Variants in PTPRO observed in about 807,000 individuals in gnomAD.
The protein encoded by PTPRO is receptor-type tyrosine-protein phosphatase O.
A neutral mutation model predicts 145.2 loss-of-function variants in PTPRO; 62 were observed. That is an observed-to-expected ratio of 0.43 (90% CI 0.35 to 0.53). PTPRO has a LOEUF of 0.53. Among genes scored for constraint, PTPRO ranks in the 20% least tolerant of loss-of-function variants. The pLI is 0.01. For missense variants in PTPRO, 1,345 were observed against 1,482.7 expected (o/e 0.91, Z 1.53); for synonymous variants, 565 against 514.7 (o/e 1.10, Z -1.32).
intron 23 of PTPRO, among the ~76,000 whole-genome samples, chr12:15,582,264 G>A (rs1944337301): frequency 6.6e-6 from 1 of 152,242 alleles, no homozygotes; most frequent in Admixed American, 6.5e-5. Context: ...GCATGTCACA[G>A]GGCTGCAGAG....
intron 1 of PTPRO, among the ~76,000 whole-genome samples, chr12:15,399,586 C>T (rs11056458): frequency 1.4e-4 from 21 of 152,084 alleles, no homozygotes; most frequent in Non-Finnish European, 2.9e-4. Context: ...CCTACAGTAC[C>T]TGACATATAA....
At chr12:15,467,938 T>A (rs1429991834) in intron 1 of PTPRO, among the ~76,000 whole-genome samples, 2 of 152,206 alleles carry the variant, frequency 1.3e-5, no homozygotes, top group Non-Finnish European at 2.9e-5. Context: ...GCATTAGATA[T>A]TTCCAGTCTT....
intron 17 of PTPRO, among the ~76,000 whole-genome samples, chr12:15,562,931 T>C (rs1171232747): frequency 6.6e-6 from 1 of 152,080 alleles, no homozygotes; most frequent in Admixed American, 6.6e-5. Flanking sequence ...TTTTTAAGGT[T>C]TGGGGATGGT....
At chr12:15,366,348 A>G (rs1029279997) in intron 1 of PTPRO, among the ~76,000 whole-genome samples, 1 of 129,112 alleles carries the variant, frequency 7.7e-6, no homozygotes, top group South Asian at 2.3e-4. Flanking sequence ...ATGGTGCCCT[A>G]GCTGAGTGAG....
In PTPRO at chr12:15,380,733, A is replaced by G. The variant is rs541434286; in HGVS notation, c.75+57932A>G. 1.1e-4 allele frequency among the ~76,000 whole-genome samples: 16 copies of G among 152,312 alleles called. 1 individual carries two copies. In the East Asian group the frequency reaches 3.1e-3, roughly 29 times the overall value. On this transcript the variant is annotated intron_variant, in intron 1 of 26. Transcript: ENST00000281171. ...AGAACTAAGCAAATACGTAACCTCT[A>G]CTGCACTATCAAATTTTTTCTTGCA... is the stretch of plus-strand genomic sequence containing the variant.
intron 12 of PTPRO, among the ~76,000 whole-genome samples, chr12:15,541,404 G>T (rs1461399116): frequency 6.6e-6 from 1 of 152,054 alleles, no homozygotes; most frequent in Non-Finnish European, 1.5e-5. Flanking sequence ...GGACATATTT[G>T]GTATTTTGAA....
intron 13 of PTPRO, among the ~76,000 whole-genome samples, chr12:15,547,460 G>A (rs541015101): frequency 2.6e-5 from 4 of 152,178 alleles, no homozygotes; most frequent in African/African-American, 4.8e-5. Context: ...CTAATACTGC[G>A]AACATAAGTA....
intron 15 of PTPRO, among the ~76,000 whole-genome samples, chr12:15,552,941 A>C (rs1367666128): frequency 6.6e-6 from 1 of 151,598 alleles, no homozygotes; most frequent in East Asian, 1.9e-4. Context: ...CTGGGATTAC[A>C]GGCACGCACC....
intron 7 of PTPRO, 73 bp from the exon 8 acceptor site, chr12:15,515,425 T>TA: frequency 1.9e-6 from 3 of 1,579,456 alleles, no homozygotes; most frequent in Non-Finnish European, 2.6e-6. Context: ...AGTCTCTGAA[T>TA]ATTATACCAG....
intron 2 of PTPRO, among the ~76,000 whole-genome samples, chr12:15,494,117 T>C (rs1214438589): frequency 6.6e-6 from 1 of 152,186 alleles, no homozygotes; most frequent in Non-Finnish European, 1.5e-5. Context: ...TTCAGAGTAA[T>C]AATTTACTTC....
At chr12:15,415,681 G>A (rs377453806) in intron 1 of PTPRO, among the ~76,000 whole-genome samples, 13 of 151,584 alleles carry the variant, frequency 8.6e-5, no homozygotes, top group East Asian at 5.8e-4. Flanking sequence ...CACTGTGCCC[G>A]GCCTATGTGA....
intron 1 of PTPRO, among the ~76,000 whole-genome samples, chr12:15,400,866 C>T (rs933581948): frequency 6.6e-6 from 1 of 152,152 alleles, no homozygotes; most frequent in Non-Finnish European, 1.5e-5. Flanking sequence ...GTGACTATTT[C>T]TGTCTTATTC....
At chr12:15,352,904 A>G (rs1937857643) in intron 1 of PTPRO, among the ~76,000 whole-genome samples, 1 of 152,142 alleles carries the variant, frequency 6.6e-6, no homozygotes, top group Admixed American at 6.5e-5. Context: ...ATTCCCATCA[A>G]TTACCCAGAA....
intron 1 of PTPRO, among the ~76,000 whole-genome samples, chr12:15,352,623 C>A (rs930739868): frequency 3.1e-4 from 45 of 146,924 alleles, no homozygotes; most frequent in African/African-American, 1.2e-3. Context: ...GCACTCCAGC[C>A]TGGGCGACAG....
intron 1 of PTPRO, among the ~76,000 whole-genome samples, chr12:15,401,717 C>T (rs1470204577): frequency 6.6e-6 from 1 of 152,186 alleles, no homozygotes; most frequent in Non-Finnish European, 1.5e-5. Flanking sequence ...TAGACTGGCT[C>T]ACATGGCTGG....
At chr12:15,390,862 A>C (rs1459610256) in intron 1 of PTPRO, among the ~76,000 whole-genome samples, 5 of 152,146 alleles carry the variant, frequency 3.3e-5, no homozygotes, top group Non-Finnish European at 7.4e-5. Flanking sequence ...AAACAACAGC[A>C]ATTTATTTCT....
At chr12:15,415,518 G>A (rs1939937132) in intron 1 of PTPRO, among the ~76,000 whole-genome samples, 1 of 151,804 alleles carries the variant, frequency 6.6e-6, no homozygotes, top group East Asian at 1.9e-4. Flanking sequence ...CCGAGTAGCT[G>A]GGACTACAGG....
intron 10 of PTPRO, among the ~76,000 whole-genome samples, chr12:15,524,432 T>G (rs1942794628): frequency 6.6e-6 from 1 of 152,166 alleles, no homozygotes; most frequent in African/African-American, 2.4e-5. Context: ...GACTCTAAGT[T>G]TTTTAATCCT....
At position 15,580,775 on chromosome 12, in the gene PTPRO, C is replaced by T. The variant is rs543946976; in HGVS notation, c.3076C>T (p.Leu1026=). The change falls in exon 22 of 27, where the codon CTG becomes TTG. Residue 1026 remains leucine (L), a synonymous_variant. Transcript: ENST00000281171. The stretch of plus-strand genomic sequence containing the variant: ...CAGAAATGACTTCTGGAAGATGGTC[C>T]TGCAACAAAAGTCTCAGATTATTGT... The part of the protein sequence containing the change: ...ETRNDFWKMV[L]QQKSQIIVML... 3.7e-6 allele frequency: 6 copies of T among 1,614,004 alleles called. No individual in the cohort carries two copies. The African/African-American group carries it at 6.7e-5, about 18-fold the overall frequency.
Sources: gnomAD v4.1 joint callset for allele counts (sites outside exome capture counted in the v4.1 genomes callset) on GRCh38, gnomAD v4.1.1 for gene constraint, MANE v1.5 for transcripts, NCBI Gene and HGNC (gene_info 2026-07-23, HGNC 2026-07-21) for gene names.